Variants in OTOGL observed in about 807,000 individuals in gnomAD.
OTOGL encodes the protein otogelin-like protein.
A neutral mutation model predicts 318.5 loss-of-function variants in OTOGL; 285 were observed. The ratio of observed to expected loss-of-function variants is 0.89; its 90% CI spans 0.81 to 0.99. OTOGL has a LOEUF of 0.99. Ranked by LOEUF, OTOGL falls within the 50% of genes least tolerant of loss-of-function variation. The pLI, the probability that OTOGL is intolerant of heterozygous loss-of-function variation, is 0.00. For synonymous variants in OTOGL, 987 were observed against 936.5 expected (o/e 1.05, Z -0.99); for missense variants, 2,899 against 2,845.6 (o/e 1.02, Z -0.43).
At chr12:80,178,250 G>A (rs1874673898) in intron 1 of OTOGL, among the ~76,000 whole-genome samples, 1 of 151,162 alleles carries the variant, frequency 6.6e-6, no homozygotes, top group African/African-American at 2.4e-5. Context: ...TAGTAGAGAT[G>A]GGGTTTCACC....
At chr12:80,363,064 G>A (rs79478373) in intron 52 of OTOGL, among the ~76,000 whole-genome samples, 13 of 152,048 alleles carry the variant, frequency 8.5e-5, no homozygotes, top group African/African-American at 2.7e-4. Flanking sequence ...TGATCCTCCC[G>A]CCTTGGCCTC....
At chr12:80,104,997 G>A (rs1869372098) in intron 1 of OTOGL, among the ~76,000 whole-genome samples, 2 of 152,146 alleles carry the variant, frequency 1.3e-5, no homozygotes, top group South Asian at 4.1e-4. Flanking sequence ...TTGGGAGGCT[G>A]AGGCAGGAGA....
intron 1 of OTOGL, among the ~76,000 whole-genome samples, chr12:80,147,642 G>A (rs1055780351): frequency 3.9e-5 from 6 of 152,008 alleles, no homozygotes; most frequent in Non-Finnish European, 8.8e-5. Context: ...TCTGTCTAAT[G>A]TTGACAGTGG....
intron 56 of OTOGL, 75 bp from the exon 57 acceptor site, chr12:80,371,944 G>C (rs2138099734): frequency 1.0e-6 from 1 of 960,270 alleles, no homozygotes; most frequent in East Asian, 3.0e-5. Flanking sequence ...AGAAAAGTTA[G>C]TTTTCTTTTT....
chr12:80,262,144 C>T, intron 19 of OTOGL, 51 bp downstream of exon 19: 1 of 1,467,556 alleles, frequency 6.8e-7, no homozygotes. Context: ...GGGAAAAGTT[C>T]TATGTATTAC....
Position 80,339,055 on chromosome 12 carries a change from G to C in OTOGL, c.4861-20G>C. 6.5e-7 allele frequency: 1 copy of C among 1,537,660 alleles called. No individual in the cohort carries two copies. Among genetic ancestry groups the C allele is most frequent in the African/African-American group, 1.4e-5 (1 of 72,674 alleles). ...TATTTAAGTAAATATTTCTTAACAG[G>C]TGTATTTATGTTATTCTAGGTAGAA... On this transcript the variant is annotated intron_variant, in intron 42 of 58. Coordinates refer to ENST00000547103, the MANE Select transcript of OTOGL (RefSeq NM_001378609.3).
chr12:80,204,195 T>C (rs1357869756), intron 1 of OTOGL, among the ~76,000 whole-genome samples: 1 of 152,200 alleles, frequency 6.6e-6, no homozygotes, highest in Non-Finnish European at 1.5e-5. Context: ...GCATAATTCC[T>C]TCTAAGTTAT....
Position 80,306,794 on chromosome 12 carries a change from T to TTTATTA in OTOGL, c.3333+1120_3333+1125dup, listed in dbSNP as rs10668230. Among the ~76,000 whole-genome samples, 1,057 of 129,124 alleles carry TTTATTA rather than the reference T, an allele frequency of 8.2e-3. 13 individuals carry two copies. The highest frequency in any genetic ancestry group is 0.047 in the East Asian group (232 of 4,890). The allele number at this position is 129,124 out of a possible 152,430, so 84.7% of individuals were successfully genotyped here. On this transcript the variant is annotated intron_variant, in intron 29 of 58. Coordinates refer to ENST00000547103, the MANE Select transcript of OTOGL (RefSeq NM_001378609.3). ...TTTCTTTTTTTTTTTTAAATTTTAT[T>TTTATTA]TTATTATTATTATTATTATTATTAT...
At chr12:80,127,072 G>A (rs1319804349) in intron 1 of OTOGL, among the ~76,000 whole-genome samples, 1 of 152,286 alleles carries the variant, frequency 6.6e-6, no homozygotes, top group South Asian at 2.1e-4. Context: ...GTGTGAATTT[G>A]ATCCTGTCAT....
chr12:80,256,549 T>C, intron 17 of OTOGL, 89 bp downstream of exon 17: 1 of 1,458,926 alleles, frequency 6.9e-7, no homozygotes, highest in South Asian at 1.4e-5. Flanking sequence ...TGGGATCTTT[T>C]CCTAATGTTA....
intron 1 of OTOGL, among the ~76,000 whole-genome samples, chr12:80,121,315 G>A (rs1230973070): frequency 6.6e-6 from 1 of 152,176 alleles, no homozygotes; most frequent in Non-Finnish European, 1.5e-5. Context: ...CTATGTGTAT[G>A]CAGCTTAAGA....
chr12:80,361,453 G>C (rs1890233504), intron 52 of OTOGL, among the ~76,000 whole-genome samples: 1 of 144,482 alleles, frequency 6.9e-6, no homozygotes, highest in African/African-American at 2.6e-5. Context: ...TGGGAGTGCA[G>C]ATATCTCTAC....
At chr12:80,350,718 AT>A (rs1889489452) in intron 44 of OTOGL, among the ~76,000 whole-genome samples, 2 of 152,196 alleles carry the variant, frequency 1.3e-5, no homozygotes, top group Admixed American at 1.3e-4. Flanking sequence ...AGAAGTATCT[AT>A]TCAGTTCCTT....
At chr12:80,229,889 T>C (rs1312954799) in intron 8 of OTOGL, among the ~76,000 whole-genome samples, 1 of 152,134 alleles carries the variant, frequency 6.6e-6, no homozygotes, top group Non-Finnish European at 1.5e-5. Context: ...AACAACTGCC[T>C]GGCCTCGAAT....
At chr12:80,327,004 A>G (rs1218354104) in intron 35 of OTOGL, among the ~76,000 whole-genome samples, 1 of 152,224 alleles carries the variant, frequency 6.6e-6, no homozygotes, top group Non-Finnish European at 1.5e-5. Context: ...AAAATTTGTA[A>G]ATATATTATT....
chr12:80,145,821 T>A (rs1476458368), intron 1 of OTOGL, among the ~76,000 whole-genome samples: 1 of 152,018 alleles, frequency 6.6e-6, no homozygotes, highest in South Asian at 2.1e-4. Flanking sequence ...TTTGAAGCAG[T>A]TGTGAATGGG....
At chr12:80,370,750 A>T in intron 56 of OTOGL, 61 bp downstream of exon 56, 2 of 1,252,342 alleles carry the variant, frequency 1.6e-6, no homozygotes, top group Non-Finnish European at 2.2e-6. Context: ...ATACACATTG[A>T]TATTTTCTAA....
chr12:80,166,093 A>G (rs1399297832), intron 1 of OTOGL, among the ~76,000 whole-genome samples: 1 of 152,026 alleles, frequency 6.6e-6, no homozygotes, highest in Non-Finnish European at 1.5e-5. Context: ...TTTTGTTTGC[A>G]AGATGCTTTT....
intron 1 of OTOGL, among the ~76,000 whole-genome samples, chr12:80,161,012 A>G (rs768637935): frequency 2.6e-5 from 4 of 152,258 alleles, no homozygotes; most frequent in East Asian, 1.9e-4. Context: ...GCTCTTATTC[A>G]TAAGTGGGAG....
Sources: allele counts gnomAD v4.1 joint callset (sites outside exome capture counted in the v4.1 genomes callset), GRCh38; gene constraint gnomAD v4.1.1; transcripts MANE v1.5; gene names NCBI Gene and HGNC (gene_info 2026-07-23, HGNC 2026-07-21).